Variants in COL24A1 observed in about 807,000 individuals in gnomAD.
The protein encoded by COL24A1 is collagen type XXIV alpha 1 chain.
In COL24A1, 224 loss-of-function variants were observed where a neutral mutation model predicts 253.9. That is an observed-to-expected ratio of 0.88 (90% CI 0.79 to 0.99). The LOEUF (loss-of-function observed/expected upper bound fraction) is 0.99. COL24A1 is among the 50% of genes least tolerant of loss of function. The pLI, the probability that COL24A1 is intolerant of heterozygous loss-of-function variation, is 0.00. For synonymous variants in COL24A1, 685 were observed against 673.7 expected (o/e 1.02, Z -0.26); for missense variants, 2,131 against 2,068.5 (o/e 1.03, Z -0.59).
intron 24 of COL24A1, among the ~76,000 whole-genome samples, chr1:85,914,321 T>G (rs1020697614): frequency 6.6e-6 from 1 of 151,586 alleles, no homozygotes; most frequent in African/African-American, 2.4e-5. Context: ...TGTGTGTGTG[T>G]GTGTGTGTGT....
intron 25 of COL24A1, among the ~76,000 whole-genome samples, chr1:85,910,460 T>A (rs1035611870): frequency 2.4e-4 from 37 of 152,030 alleles, no homozygotes; most frequent in African/African-American, 8.9e-4. Flanking sequence ...AAGAAATAAG[T>A]CTGGAAGATC....
chr1:85,757,277 A>G (rs1339996831), intron 55 of COL24A1, among the ~76,000 whole-genome samples: 1 of 152,208 alleles, frequency 6.6e-6, no homozygotes, highest in African/African-American at 2.4e-5. Flanking sequence ...AGACCAAACT[A>G]TCCTACTTCT....
chr1:85,850,137 CT>C (rs575362151), intron 37 of COL24A1, among the ~76,000 whole-genome samples: 2 of 151,922 alleles, frequency 1.3e-5, no homozygotes, highest in African/African-American at 4.8e-5. Flanking sequence ...TCAATATACA[CT>C]TTTTTTTAAG....
intron 7 of COL24A1, among the ~76,000 whole-genome samples, chr1:86,066,209 T>C (rs532449938): frequency 9.9e-5 from 15 of 151,572 alleles, no homozygotes; most frequent in African/African-American, 3.6e-4. Flanking sequence ...CTCACTCTTT[T>C]CCTTGAAATA....
chr1:86,010,388 T>C (rs994193098), intron 19 of COL24A1, among the ~76,000 whole-genome samples: 2 of 151,996 alleles, frequency 1.3e-5, no homozygotes, highest in Non-Finnish European at 2.9e-5. Flanking sequence ...AAATACCTAG[T>C]AGAAAAATGG....
rs775945312 is a variant in COL24A1, at chr1:86,146,620, T to G, written c.57-437A>C. ...CCACAAAAATAACGCAAATTACAGT[T>G]GCTTAACTATAGTGATTATAAGTTA... is the stretch of plus-strand genomic sequence containing the variant. On this transcript the variant is annotated intron_variant, in intron 1 of 59. Transcript: ENST00000370571. 1.9e-4 allele frequency among the ~76,000 whole-genome samples: 29 copies of G among 151,940 alleles called. 1 individual carries two copies. Among genetic ancestry groups the G allele is most frequent in the Admixed American group, 3.3e-4 (5 of 15,262 alleles).
chr1:85,860,042 A>G (rs1678959795), intron 37 of COL24A1, among the ~76,000 whole-genome samples: 2 of 147,202 alleles, frequency 1.4e-5, no homozygotes, highest in Admixed American at 1.3e-4. Flanking sequence ...TTACTAATAA[A>G]ATAGAGGAAC....
chr1:85,736,339 G>C, intron 58 of COL24A1: 1 of 456,262 alleles, frequency 2.2e-6, no homozygotes, highest in Non-Finnish European at 4.4e-6. Flanking sequence ...GAAACAACTA[G>C]AGTCCGCTTC....
chr1:85,757,868 A>T (rs2101064055), intron 55 of COL24A1, among the ~76,000 whole-genome samples: 1 of 152,276 alleles, frequency 6.6e-6, no homozygotes, highest in Non-Finnish European at 1.5e-5. Flanking sequence ...CAGTGAGGGG[A>T]TCAAATAAGG....
At chr1:85,858,795 C>T (rs187313915) in intron 37 of COL24A1, among the ~76,000 whole-genome samples, 2 of 151,740 alleles carry the variant, frequency 1.3e-5, no homozygotes, top group Non-Finnish European at 2.9e-5. Context: ...CGCTGGAGTG[C>T]AGTGGCATGA....
chr1:86,114,683 A>G (rs1211769488), intron 4 of COL24A1, among the ~76,000 whole-genome samples: 1 of 152,208 alleles, frequency 6.6e-6, no homozygotes, highest in African/African-American at 2.4e-5. Context: ...TAATCTTTGT[A>G]TGTTAAATAA....
At chr1:86,056,506 G>C (rs565963530) in intron 10 of COL24A1, among the ~76,000 whole-genome samples, 374 of 152,288 alleles carry the variant, frequency 2.5e-3, no homozygotes, top group African/African-American at 8.6e-3. Context: ...TTTTTAAAAT[G>C]TAAGACATCA....
rs1208807391 is a variant in COL24A1 at position 85,885,391 on chromosome 1, A to ATT, written c.2976+4168_2976+4169insAA. ...AATTTTTGTGTGTATATATATATAT[A>ATT]TATATATTTTTTTTTTAAGTAGAAA... is the stretch of plus-strand genomic sequence containing the variant. On this transcript the variant is annotated intron_variant, in intron 32 of 59. Coordinates refer to ENST00000370571, the MANE Select transcript of COL24A1 (RefSeq NM_152890.7). 7.1e-5 allele frequency among the ~76,000 whole-genome samples: 6 copies of ATT among 83,928 alleles called. No individual in the cohort carries two copies. The South Asian group carries it at 9.7e-4, about 14-fold the overall frequency. The allele number at this position is 83,928 out of a possible 152,430, so 55.1% of individuals were successfully genotyped here.
intron 7 of COL24A1, among the ~76,000 whole-genome samples, chr1:86,080,926 T>C (rs904639332): frequency 1.3e-5 from 2 of 152,164 alleles, no homozygotes; most frequent in Non-Finnish European, 2.9e-5. Flanking sequence ...CTGTGCAAGC[T>C]GAAATTGTAC....
rs1669114105 is a variant in COL24A1, at chr1:85,781,257, A to G, written c.4301T>C (p.Leu1434Pro). ...PIGHRGNTGP[L>P]GREGIIGPTG... Reference sequence around the variant, plus strand: ...TGGGCCTATTATACCTTCTCTGCCAAGGGGACCAGTGTTTCCCTGTTGAGG... The same window carrying G: ...TGGGCCTATTATACCTTCTCTGCCAGGGGGACCAGTGTTTCCCTGTTGAGG... The change falls in exon 52 of 60, where the codon CTT (leucine) becomes CCT (proline). Residue 1434 changes from leucine (L) to proline (P), a missense_variant. By Grantham distance (98) the Leu-to-Pro change is moderately conservative. Transcript: ENST00000370571. 1 of 1,607,480 alleles carries G rather than the reference A, an allele frequency of 6.2e-7. No homozygotes were observed. The highest frequency in any genetic ancestry group is 8.5e-7 in the Non-Finnish European group (1 of 1,177,146).
At chr1:85,898,035 C>T (rs527781491) in intron 28 of COL24A1, among the ~76,000 whole-genome samples, 2 of 152,052 alleles carry the variant, frequency 1.3e-5, no homozygotes, top group Non-Finnish European at 2.9e-5. Flanking sequence ...AACAGATACT[C>T]AAAGAATAAA....
At chr1:85,981,329 A>G (rs1404023781) in intron 20 of COL24A1, among the ~76,000 whole-genome samples, 2 of 152,212 alleles carry the variant, frequency 1.3e-5, no homozygotes, top group Admixed American at 6.5e-5. Flanking sequence ...GAACCCAGAA[A>G]TAAAGCCAAA....
At chr1:86,117,087 GAA>G (rs1298455959) in intron 3 of COL24A1, among the ~76,000 whole-genome samples, 3 of 152,242 alleles carry the variant, frequency 2.0e-5, no homozygotes, top group African/African-American at 7.2e-5. Flanking sequence ...AAAAGAAAAT[GAA>G]AAGTTTTCTT....
chr1:85,933,147 TA>T (rs1687944036), intron 24 of COL24A1, among the ~76,000 whole-genome samples: 1 of 149,576 alleles, frequency 6.7e-6, no homozygotes, highest in Non-Finnish European at 1.5e-5. Context: ...AGAGAAAATG[TA>T]AAAAACTTGT....
Sources: allele counts gnomAD v4.1 joint callset (sites outside exome capture counted in the v4.1 genomes callset), GRCh38; gene constraint gnomAD v4.1.1; transcripts MANE v1.5; gene names NCBI Gene and HGNC (gene_info 2026-07-23, HGNC 2026-07-21).